RAD51C: variants seen among roughly 807,000 people sequenced by gnomAD.
RAD51C encodes DNA repair protein RAD51 homolog 3.
In RAD51C, 42 loss-of-function variants were observed where a neutral mutation model predicts 45.0. That is an observed-to-expected ratio of 0.93 (90% confidence interval 0.73 to 1.21). The LOEUF is 1.21. RAD51C is among the 50% of genes most tolerant of loss of function. The pLI is 0.00. For synonymous variants in RAD51C, 172 were observed against 159.8 expected (o/e 1.08, Z -0.58); for missense variants, 474 against 452.2 (o/e 1.05, Z -0.44).
intron 5 of RAD51C, 81 bp downstream of exon 5, chr17:58,710,071 C>T (rs1337548227): frequency 8.9e-6 from 13 of 1,464,048 alleles, no homozygotes; most frequent in African/African-American, 2.8e-5. Context: ...GTCAAAATAG[C>T]GTTTGCCTGA....
chr17:58,692,934 G>C, intron 1 of RAD51C, 146 bp downstream of exon 1: 1 of 1,181,956 alleles, frequency 8.5e-7, no homozygotes. Flanking sequence ...AGAGCTCCTC[G>C]ACTCCACTTA....
rs867021554 is a variant in RAD51C at position 58,719,787 on chromosome 17, A to G, written c.838-959A>G. Reference sequence around the variant, plus strand: ...TCTGTTGCCCAGGCTGGAGTGCAGTAGCGCTATCTCAGCTCACTGCAGGCT... The same window carrying G: ...TCTGTTGCCCAGGCTGGAGTGCAGTGGCGCTATCTCAGCTCACTGCAGGCT... On this transcript the variant is annotated intron_variant, in intron 5 of 8. Transcript: ENST00000337432. 1.0e-4 allele frequency among the ~76,000 whole-genome samples: 14 copies of G among 140,442 alleles called. No individual in the cohort carries two copies. In the South Asian group the frequency reaches 1.6e-3, roughly 16 times the overall value. 92.1% of individuals were successfully genotyped at this position (140,442 alleles called of 152,430 possible).
Position 58,695,184 on chromosome 17 carries a change from A to C in RAD51C, c.399A>C (p.Gln133His). The stretch of plus-strand genomic sequence containing the variant: ...GTGCACCAGGTGTTGGAAAAACACA[A>C]TTATGGTAAAATAAAGTGTTCTCCT... The part of the protein sequence containing the change: ...ICGAPGVGKT[Q>H]LCMQLAVDVQ... Residue 133 changes from glutamine (Q) to histidine (H), a missense_variant, in exon 2 of 9, where the codon CAA becomes CAC. Coordinates refer to ENST00000337432, the MANE Select transcript of RAD51C (RefSeq NM_058216.3). 6.2e-7 allele frequency: 1 copy of C among 1,610,672 alleles called. No homozygotes were observed.
At chr17:58,694,674 C>T (rs1329347108) in intron 1 of RAD51C, 8 of 440,256 alleles carry the variant, frequency 1.8e-5, no homozygotes, top group African/African-American at 6.0e-5. Flanking sequence ...GGAGTTTCAC[C>T]ATGTTGGCCA....
chr17:58,728,058 T>C (rs2049240317), intron 7 of RAD51C, among the ~76,000 whole-genome samples: 2 of 151,214 alleles, frequency 1.3e-5, no homozygotes, highest in African/African-American at 4.9e-5. Flanking sequence ...GCCTGGCCAA[T>C]ATGGGGAAAC....
intron 8 of RAD51C, among the ~76,000 whole-genome samples, chr17:58,733,264 T>G (rs1430016596): frequency 6.6e-6 from 1 of 152,116 alleles, no homozygotes; most frequent in Non-Finnish European, 1.5e-5. Context: ...GATCCGCCCT[T>G]CTCAGCCTTC....
intron 7 of RAD51C, among the ~76,000 whole-genome samples, chr17:58,724,824 G>C (rs2049057475): frequency 6.6e-6 from 1 of 152,116 alleles, no homozygotes; most frequent in Admixed American, 6.6e-5. Context: ...TAACCTAGAG[G>C]TCTTGGTTTG....
intron 5 of RAD51C, among the ~76,000 whole-genome samples, chr17:58,719,402 G>A (rs760320442): frequency 6.6e-6 from 1 of 151,790 alleles, no homozygotes; most frequent in African/African-American, 2.4e-5. Flanking sequence ...TTTTTTGTAG[G>A]TCAGGTACAG....
chr17:58,699,711 T>C (rs2048145229), intron 3 of RAD51C, among the ~76,000 whole-genome samples: 1 of 152,202 alleles, frequency 6.6e-6, no homozygotes, highest in African/African-American at 2.4e-5. Flanking sequence ...TTTAGACCAT[T>C]ATCAGCGTAC....
chr17:58,717,582 C>T (rs1046185447), intron 5 of RAD51C, among the ~76,000 whole-genome samples: 1 of 152,020 alleles, frequency 6.6e-6, no homozygotes, highest in Admixed American at 6.6e-5. Flanking sequence ...ACCAAAAATA[C>T]AAGCTTAACC....
intron 5 of RAD51C, among the ~76,000 whole-genome samples, chr17:58,712,344 C>T (rs1289959472): frequency 1.2e-5 from 1 of 83,074 alleles, no homozygotes; most frequent in South Asian, 4.3e-4. Context: ...CACTCCATCT[C>T]AAAAAAAAAA....
chr17:58,716,784 T>A (rs2048753096), intron 5 of RAD51C, among the ~76,000 whole-genome samples: 1 of 148,686 alleles, frequency 6.7e-6, no homozygotes, highest in Non-Finnish European at 1.5e-5. Flanking sequence ...TTTTTTTTTT[T>A]TTTTAAGACG....
At chr17:58,728,116 G>A (rs546677508) in intron 7 of RAD51C, among the ~76,000 whole-genome samples, 19 of 151,444 alleles carry the variant, frequency 1.3e-4, no homozygotes, top group Middle Eastern at 3.4e-3. Context: ...ATGGTGGCGG[G>A]CACCTGTAAT....
intron 7 of RAD51C, among the ~76,000 whole-genome samples, chr17:58,724,408 G>GGTGA (rs1453522550): frequency 1.3e-5 from 2 of 151,788 alleles, no homozygotes; most frequent in Middle Eastern, 3.2e-3. Flanking sequence ...TGTAGAAGGA[G>GGTGA]GTGAGTACTC....
intron 8 of RAD51C, 88 bp from the exon 9 acceptor site, chr17:58,734,030 C>A: frequency 6.5e-7 from 1 of 1,534,192 alleles, no homozygotes. Flanking sequence ...AATAAAGTAG[C>A]TTTCTTATTA....
At chr17:58,697,944 T>C (rs189211472) in intron 3 of RAD51C, among the ~76,000 whole-genome samples, 2,855 of 152,176 alleles carry the variant, frequency 0.019, 41 homozygotes, top group South Asian at 0.034. Context: ...ACTCCTGACC[T>C]CAGGTGATCC....
intron 3 of RAD51C, among the ~76,000 whole-genome samples, chr17:58,702,526 C>T (rs1286795323): frequency 6.6e-6 from 1 of 151,804 alleles, no homozygotes; most frequent in Non-Finnish European, 1.5e-5. Flanking sequence ...AACCCCGTCT[C>T]TACTAAAAAT....
chr17:58,703,653 C>G (rs2048285776), intron 4 of RAD51C, among the ~76,000 whole-genome samples: 3 of 152,064 alleles, frequency 2.0e-5, no homozygotes, highest in Admixed American at 2.0e-4. Context: ...TTTCTAGTGC[C>G]TCTCCCCAAA....
intron 1 of RAD51C, 99 bp downstream of exon 1, chr17:58,692,887 AT>A: frequency 6.4e-7 from 1 of 1,560,202 alleles, no homozygotes; most frequent in African/African-American, 1.4e-5. Context: ...TCTCCGTTAG[AT>A]TCTGCTTCCT....
Sources: gnomAD v4.1 joint callset for allele counts (sites outside exome capture counted in the v4.1 genomes callset) on GRCh38, gnomAD v4.1.1 for gene constraint, MANE v1.5 for transcripts, NCBI Gene and HGNC (gene_info 2026-07-23, HGNC 2026-07-21) for gene names.